SRP9: variants seen among roughly 807,000 people sequenced by gnomAD.
SRP9 encodes the protein signal recognition particle 9.
In SRP9, 2 loss-of-function variants were observed where a neutral mutation model predicts 11.7. That is an observed-to-expected ratio of 0.17 (90% CI 0.07 to 0.54). The LOEUF (loss-of-function observed/expected upper bound fraction) is 0.54. Among genes scored for constraint, SRP9 ranks in the 20% least tolerant of loss-of-function variants. The pLI is 0.94. For synonymous variants in SRP9, 27 were observed against 35.6 expected (o/e 0.76, Z 0.86); for missense variants, 54 against 108.1 (o/e 0.50, Z 2.22).
chr1:225,783,200 T>C, intron 1 of SRP9, 100 bp from the exon 2 acceptor site: 1 of 822,502 alleles, frequency 1.2e-6, no homozygotes, highest in South Asian at 1.8e-5. Flanking sequence ...TTTGGGGGTA[T>C]TTATTCTAAA....
intron 2 of SRP9, among the ~76,000 whole-genome samples, chr1:225,787,256 C>T (rs1037080124): frequency 7.2e-5 from 11 of 152,048 alleles, no homozygotes; most frequent in South Asian, 2.1e-4. Flanking sequence ...GGGAATAGGC[C>T]GGGCGCGGTG....
At chr1:225,787,861 G>A (rs548023650) in intron 2 of SRP9, among the ~76,000 whole-genome samples, 10 of 152,216 alleles carry the variant, frequency 6.6e-5, no homozygotes, top group South Asian at 2.1e-4. Context: ...TGTACAATGC[G>A]TGGATAAAAA....
chr1:225,781,761 TAA>T (rs1430354702), intron 1 of SRP9, among the ~76,000 whole-genome samples: 4 of 152,214 alleles, frequency 2.6e-5, no homozygotes, highest in Non-Finnish European at 5.9e-5. Flanking sequence ...AACTGAGAGT[TAA>T]AACTTCACAT....
At chr1:225,783,454 A>T in intron 2 of SRP9, 86 bp downstream of exon 2, 1 of 1,114,604 alleles carries the variant, frequency 9.0e-7, no homozygotes, top group Non-Finnish European at 1.3e-6. Context: ...GAGTTTATGG[A>T]GATTACCCAT....
intron 1 of SRP9, among the ~76,000 whole-genome samples, chr1:225,780,198 TTTTTTTA>T (rs1196912614): frequency 2.3e-5 from 3 of 132,336 alleles, no homozygotes; most frequent in African/African-American, 5.4e-5. Flanking sequence ...TTTTTTTTTT[TTTTTTTA>T]AAGACGGGGC....
Position 225,777,955 on chromosome 1 carries a change from G to C in SRP9, c.15G>C (p.Gln5His), listed in dbSNP as rs969666181. 1 of 1,614,084 alleles carries C rather than the reference G, an allele frequency of 6.2e-7. No individual in the cohort carries two copies. The highest frequency in any genetic ancestry group is 1.1e-5 in the South Asian group (1 of 91,082). Residue 5 changes from glutamine to histidine, a missense_variant, in exon 1 of 3, where the codon CAG becomes CAC. Transcript: ENST00000304786. The part of the protein sequence containing the change: MPQY[Q>H]TWEEFSRAAE... ...TCTAGGCCACGATGCCGCAGTACCA[G>C]ACCTGGGAGGAGTTCAGCCGCGCTG...
At chr1:225,782,858 G>A (rs532674061) in intron 1 of SRP9, among the ~76,000 whole-genome samples, 1 of 152,296 alleles carries the variant, frequency 6.6e-6, no homozygotes, top group Admixed American at 6.5e-5. Flanking sequence ...GAGTTGCACT[G>A]ACCTGCAGCA....
chr1:225,785,978 G>A (rs939771358), intron 2 of SRP9, among the ~76,000 whole-genome samples: 1 of 152,164 alleles, frequency 6.6e-6, no homozygotes, highest in Non-Finnish European at 1.5e-5. Context: ...GATCCACCAC[G>A]CCCAGCCCCA....
intron 1 of SRP9, among the ~76,000 whole-genome samples, chr1:225,779,808 A>G (rs1665758988): frequency 6.6e-6 from 1 of 152,210 alleles, no homozygotes; most frequent in African/African-American, 2.4e-5. Context: ...TTGTTTCTTC[A>G]TTCAGACAAT....
chr1:225,783,629 A>G (rs745660034), intron 2 of SRP9, among the ~76,000 whole-genome samples: 24 of 152,224 alleles, frequency 1.6e-4, no homozygotes, highest in Admixed American at 2.6e-4. Flanking sequence ...GTAGAGACCA[A>G]ATTGGATGTA....
intron 2 of SRP9, among the ~76,000 whole-genome samples, chr1:225,787,204 T>C (rs1013055394): frequency 6.6e-6 from 1 of 152,096 alleles, no homozygotes; most frequent in Non-Finnish European, 1.5e-5. Context: ...TGGTTAGGTA[T>C]ACTTGCTGAA....
chr1:225,789,047 A>G, intron 2 of SRP9, 193 bp from the exon 3 acceptor site: 1 of 1,551,032 alleles, frequency 6.4e-7, no homozygotes, highest in South Asian at 1.2e-5. Context: ...TGGCATTTAA[A>G]TTACTGTACT....
intron 1 of SRP9, among the ~76,000 whole-genome samples, chr1:225,780,955 C>G (rs978919435): frequency 2.6e-5 from 4 of 152,240 alleles, no homozygotes; most frequent in Non-Finnish European, 4.4e-5. Context: ...TGCTTAAAAA[C>G]TGGCTCTTTG....
intron 2 of SRP9, among the ~76,000 whole-genome samples, chr1:225,785,934 C>A (rs961396715): frequency 1.3e-5 from 2 of 152,250 alleles, no homozygotes; most frequent in African/African-American, 4.8e-5. Context: ...GATCCACCCA[C>A]CTCGGCCTCC....
chr1:225,788,884 A>G, intron 2 of SRP9: 2 of 969,774 alleles, frequency 2.1e-6, no homozygotes, highest in East Asian at 2.8e-5. Flanking sequence ...GCTGGGAGAA[A>G]ATATGTAGGG....
intron 1 of SRP9, among the ~76,000 whole-genome samples, chr1:225,782,587 TG>T (rs1407040986): frequency 6.6e-6 from 1 of 152,228 alleles, no homozygotes; most frequent in Admixed American, 6.5e-5. Flanking sequence ...GAAGTGTTCT[TG>T]GGAGATGTCT....
In SRP9 at chr1:225,789,692, C is replaced by A. The variant is rs1363255246; in HGVS notation, c.*333C>A. 7 of 182,670 alleles carry A rather than the reference C, an allele frequency of 3.8e-5. No homozygotes were observed. In the East Asian group the frequency reaches 6.1e-4, roughly 16 times the overall value. 11.3% of individuals were successfully genotyped at this position (182,670 alleles called of 1,614,324 possible). ...GAGATATTAGGAAAAACCAATTCTT[C>A]TTAAATTTAGTTCATCTTTCTTTAA... On this transcript the variant is annotated 3_prime_UTR_variant, in exon 3 of 3. Transcript: ENST00000304786.
intron 1 of SRP9, among the ~76,000 whole-genome samples, chr1:225,779,490 A>G (rs934250306): frequency 6.6e-6 from 1 of 152,222 alleles, no homozygotes; most frequent in African/African-American, 2.4e-5. Flanking sequence ...TCATTAAGTA[A>G]TATGAATTAT....
Position 225,788,891 on chromosome 1 carries a change from A to G in SRP9, c.142-349A>G, listed in dbSNP as rs1665968418. ...TACTTATGGCTGGGAGAAAATATGTAGGGAGATAATCTAATACCTAATTCG... is the reference window on the plus strand; with the variant it reads ...TACTTATGGCTGGGAGAAAATATGTGGGGAGATAATCTAATACCTAATTCG... On this transcript the variant is annotated intron_variant, in intron 2 of 2. Transcript: ENST00000304786. The G allele has an allele frequency of 9.9e-6, 10 of 1,014,008 alleles. No homozygotes were observed. The East Asian group carries it at 2.7e-4, about 27-fold the overall frequency. The allele number at this position is 1,014,008 out of a possible 1,614,324, so 62.8% of individuals were successfully genotyped here.
Sources: gnomAD v4.1 joint callset for allele counts (sites outside exome capture counted in the v4.1 genomes callset) on GRCh38, gnomAD v4.1.1 for gene constraint, MANE v1.5 for transcripts, NCBI Gene and HGNC (gene_info 2026-07-23, HGNC 2026-07-21) for gene names.